The following MBP variants were observed in gnomAD, a reference collection of about 807,000 sequenced individuals.
MBP encodes the protein Golli-MBP.
Under a neutral mutation model 35.8 loss-of-function variants are expected in MBP, and 16 were observed. The ratio of observed to expected loss-of-function variants is 0.45; its 90% CI spans 0.30 to 0.68. The LOEUF (loss-of-function observed/expected upper bound fraction) is 0.68, where lower values mean the gene tolerates loss of function less well. Ranked by LOEUF, MBP falls within the 30% of genes least tolerant of loss-of-function variation. The probability of loss-of-function intolerance (pLI) is 0.08; values close to 1 mark genes in which losing one functional copy is unlikely to be tolerated. For missense variants in MBP, 380 were observed against 404.7 expected (o/e 0.94, Z 0.52); for synonymous variants, 143 against 159.6 (o/e 0.90, Z 0.78).
chr18:77,062,661 T>C (rs74878620), intron 3 of MBP, among the ~76,000 whole-genome samples: 7,510 of 152,294 alleles, frequency 0.049, 240 homozygotes, highest in Middle Eastern at 0.093. Context: ...ATGACTGGCT[T>C]TGGCCTTCAC....
chr18:76,986,933 G>C (rs1211841616), intron 7 of MBP: 2 of 985,360 alleles, frequency 2.0e-6, no homozygotes, highest in Non-Finnish European at 2.4e-6. Flanking sequence ...AGCTTAGAAA[G>C]AGAAAGTGGG....
intron 3 of MBP, among the ~76,000 whole-genome samples, chr18:77,051,276 G>A (rs1232495007): frequency 2.6e-5 from 4 of 152,174 alleles, no homozygotes; most frequent in African/African-American, 9.7e-5. Context: ...CCCAAATTAC[G>A]AGGTTCTTAC....
In MBP at chr18:76,980,010, A is replaced by T. The variant is rs1209144688; in HGVS notation, c.*417T>A. The T allele has an allele frequency of 1.4e-6, 1 of 702,558 alleles. No individual in the cohort carries two copies. Among genetic ancestry groups the T allele is most frequent in the South Asian group, 1.5e-5 (1 of 67,608 alleles). The allele number at this position is 702,558 out of a possible 1,614,324, so 43.5% of individuals were successfully genotyped here. On this transcript the variant is annotated 3_prime_UTR_variant, in exon 9 of 9. Transcript: ENST00000355994. The stretch of plus-strand genomic sequence containing the variant: ...ATGTCAACAGTCCTCTCTGCCGCCC[A>T]CGTCCTCTCTGTCTCTGCAGCTGTG...
chr18:77,058,943 G>A (rs1269692241), intron 3 of MBP, among the ~76,000 whole-genome samples: 3 of 152,182 alleles, frequency 2.0e-5, no homozygotes, highest in Admixed American at 6.5e-5. Flanking sequence ...CTGCCTGAGG[G>A]CCACCACATC....
intron 2 of MBP, among the ~76,000 whole-genome samples, chr18:77,067,402 G>A (rs8083864): frequency 0.02 from 3,038 of 152,272 alleles, 100 homozygotes; most frequent in African/African-American, 0.069. Flanking sequence ...TGGAGGTGAC[G>A]TCATGTCGGC....
chr18:77,079,073 C>T (rs780835106), intron 2 of MBP, among the ~76,000 whole-genome samples: 13 of 152,230 alleles, frequency 8.5e-5, no homozygotes, highest in Non-Finnish European at 1.8e-4. Context: ...CCCTGACAAA[C>T]GACCAACCCT....
rs1969079460 is a variant in MBP, at chr18:76,979,899, C to T, written c.*528G>A. ...AAGCTCCCACATGTAGTAAGCCACTCCTTGACTGTCTAATCCTGTTAGGAA... is the reference window on the plus strand; with the variant it reads ...AAGCTCCCACATGTAGTAAGCCACTTCTTGACTGTCTAATCCTGTTAGGAA... On this transcript the variant is annotated 3_prime_UTR_variant, in exon 9 of 9. Coordinates refer to ENST00000355994, the MANE Select transcript of MBP (RefSeq NM_001025101.2). The T allele has an allele frequency of 1.4e-6, 1 of 700,174 alleles. No homozygotes were observed. The highest frequency in any genetic ancestry group is 2.7e-5 in the East Asian group (1 of 37,278). The allele number at this position is 700,174 out of a possible 1,614,324, so 43.4% of individuals were successfully genotyped here.
intron 4 of MBP, among the ~76,000 whole-genome samples, chr18:77,008,766 C>T (rs1374591831): frequency 3.9e-5 from 6 of 152,228 alleles, no homozygotes; most frequent in Admixed American, 2.0e-4. Flanking sequence ...TCCTGGCCCG[C>T]GGCGGTGCAG....
At chr18:77,105,677 G>C (rs895344950) in intron 1 of MBP, among the ~76,000 whole-genome samples, 4 of 152,186 alleles carry the variant, frequency 2.6e-5, no homozygotes, top group African/African-American at 9.7e-5. Flanking sequence ...TATGAGATGA[G>C]CTGAGATGTC....
chr18:77,107,421 C>T (rs1170958558), intron 1 of MBP, among the ~76,000 whole-genome samples: 1 of 152,180 alleles, frequency 6.6e-6, no homozygotes, highest in Non-Finnish European at 1.5e-5. Context: ...TTCTCACCCT[C>T]CTCCTCCCAC....
chr18:77,131,643 T>C lies in MBP; in HGVS notation c.-26+937A>G. On this transcript the variant is annotated intron_variant, in intron 1 of 8. Coordinates refer to ENST00000355994, the MANE Select transcript of MBP (RefSeq NM_001025101.2). The surrounding 1 kb of genome is among the most constrained non-coding windows in gnomAD (Gnocchi z 5.5). ...GCTTGAACCTTTTCCCAAGCCCCAC[T>C]CCACCTTCCAAAACGGGGGGGCTCA... 1 of 151,454 alleles carries C rather than the reference T, an allele frequency of 6.6e-6. No homozygotes were observed. Among genetic ancestry groups the C allele is most frequent in the Non-Finnish European group, 1.5e-5 (1 of 67,914 alleles). The allele number at this position is 151,454 out of a possible 1,614,324, so 9.4% of individuals were successfully genotyped here.
chr18:77,091,796 C>T (rs1975538124), intron 2 of MBP, among the ~76,000 whole-genome samples: 1 of 152,032 alleles, frequency 6.6e-6, no homozygotes, highest in Non-Finnish European at 1.5e-5. Context: ...CATCCTCATA[C>T]ATGTATACAC....
intron 3 of MBP, among the ~76,000 whole-genome samples, chr18:77,023,784 A>C (rs982635672): frequency 1.3e-5 from 2 of 151,898 alleles, no homozygotes; most frequent in Admixed American, 6.6e-5. Flanking sequence ...AGGCCCAGAC[A>C]CCCTTCTCCG....
At chr18:77,129,395 G>A (rs2897504) in intron 1 of MBP, among the ~76,000 whole-genome samples, 8 of 152,330 alleles carry the variant, frequency 5.3e-5, no homozygotes, top group Admixed American at 1.3e-4. Flanking sequence ...TCAGTCGGCC[G>A]GGGAGATCAG....
intron 3 of MBP, among the ~76,000 whole-genome samples, chr18:77,061,578 A>G (rs1005654050): frequency 3.3e-5 from 5 of 152,166 alleles, no homozygotes; most frequent in African/African-American, 1.2e-4. Flanking sequence ...AAAATGAGAG[A>G]CTTCAGGCTG....
At chr18:77,043,172 AGAG>A in intron 3 of MBP, among the ~76,000 whole-genome samples, 1 of 152,346 alleles carries the variant, frequency 6.6e-6, no homozygotes, top group South Asian at 2.1e-4. Context: ...CTATGCATCT[AGAG>A]GAGGTAGAGA....
chr18:77,028,900 G>A (rs1429107217), intron 3 of MBP, among the ~76,000 whole-genome samples: 4 of 108,996 alleles, frequency 3.7e-5, no homozygotes, highest in African/African-American at 1.2e-4. Context: ...ATGGGATGGC[G>A]GCCGGGCAGA....
intron 3 of MBP, among the ~76,000 whole-genome samples, chr18:77,045,304 GCAT>G (rs1973191979): frequency 6.6e-6 from 1 of 152,118 alleles, no homozygotes. Flanking sequence ...GCACCTGCCG[GCAT>G]CAGGTCAGGG....
intron 1 of MBP, among the ~76,000 whole-genome samples, chr18:77,127,114 T>C (rs1977075534): frequency 6.6e-6 from 1 of 152,324 alleles, no homozygotes; most frequent in South Asian, 2.1e-4. Flanking sequence ...AGGAAGTCAC[T>C]CCACCTGATT....
Sources: gnomAD v4.1 joint callset for allele counts (sites outside exome capture counted in the v4.1 genomes callset) on GRCh38, gnomAD v4.1.1 for gene constraint, Gnocchi (gnomAD v3.1) non-coding constraint, MANE v1.5 for transcripts, NCBI Gene and HGNC (gene_info 2026-07-23, HGNC 2026-07-21) for gene names.